Variants in LYPD6 observed in about 807,000 individuals in gnomAD.
LYPD6 encodes LY6/PLAUR domain containing 6.
LYPD6 carries 15 observed loss-of-function variants against 22.7 expected under a neutral mutation model. The observed-to-expected ratio is 0.66, with a 90% confidence interval of 0.44 to 1.02. The LOEUF (loss-of-function observed/expected upper bound fraction) is 1.02, where lower values mean the gene tolerates loss of function less well. Among genes scored for constraint, LYPD6 ranks in the 50% least tolerant of loss-of-function variants. The pLI is 0.00. For missense variants in LYPD6, 189 were observed against 208.4 expected (o/e 0.91, Z 0.57); for synonymous variants, 72 against 77.5 (o/e 0.93, Z 0.37).
chr2:149,392,870 A>C (rs1265371942), intron 1 of LYPD6, among the ~76,000 whole-genome samples: 1 of 152,046 alleles, frequency 6.6e-6, no homozygotes, highest in African/African-American at 2.4e-5. Context: ...CTAAAAATAC[A>C]AAAAAATTTA....
At chr2:149,478,377 G>GGT (rs55853638), downstream of LYPD6, among the ~76,000 whole-genome samples, 1,865 of 99,350 alleles carry the variant, frequency 0.019, 13 homozygotes, top group South Asian at 0.036. Flanking sequence ...GGTATATAGA[G>GGT]GTGTGTGTGT....
At chr2:149,332,340 GA>G (rs1680954709) in intron 1 of LYPD6, among the ~76,000 whole-genome samples, 1 of 152,170 alleles carries the variant, frequency 6.6e-6, no homozygotes, top group Non-Finnish European at 1.5e-5. Context: ...GACCAATTAA[GA>G]CAGACAATTG....
intron 3 of LYPD6, among the ~76,000 whole-genome samples, chr2:149,465,303 G>T (rs923098474): frequency 1.3e-5 from 2 of 152,152 alleles, no homozygotes; most frequent in Admixed American, 1.3e-4. Flanking sequence ...AAAAGGGCAT[G>T]GAATTTGATG....
At chr2:149,477,737 AAAC>A (rs921406320), downstream of LYPD6, among the ~76,000 whole-genome samples, 13 of 152,226 alleles carry the variant, frequency 8.5e-5, no homozygotes, top group Admixed American at 8.5e-4. Flanking sequence ...AGGATCTTGA[AAAC>A]AACCAGAGTA....
intron 1 of LYPD6, among the ~76,000 whole-genome samples, chr2:149,369,052 G>T (rs1681743835): frequency 6.6e-6 from 1 of 152,210 alleles, no homozygotes; most frequent in Non-Finnish European, 1.5e-5. Flanking sequence ...GAATGTGGAG[G>T]AGACCACCAG....
intron 1 of LYPD6, among the ~76,000 whole-genome samples, chr2:149,350,538 G>A (rs1236377521): frequency 6.6e-6 from 1 of 152,024 alleles, no homozygotes; most frequent in South Asian, 2.1e-4. Context: ...GTGGCAAAGG[G>A]GTTTATAAAG....
chr2:149,443,623 T>A (rs752042183), intron 2 of LYPD6, among the ~76,000 whole-genome samples: 12 of 152,226 alleles, frequency 7.9e-5, no homozygotes, highest in Non-Finnish European at 1.5e-4. Flanking sequence ...TATTTTTTAA[T>A]GTATCCAGTC....
At chr2:149,392,682 A>G (rs1682338987) in intron 1 of LYPD6, among the ~76,000 whole-genome samples, 1 of 152,166 alleles carries the variant, frequency 6.6e-6, no homozygotes, top group Non-Finnish European at 1.5e-5. Context: ...CCCCTGGGAA[A>G]GTTTTCTGTC....
chr2:149,397,810 A>T (rs1682458949), intron 1 of LYPD6, among the ~76,000 whole-genome samples: 1 of 152,200 alleles, frequency 6.6e-6, no homozygotes, highest in Non-Finnish European at 1.5e-5. Context: ...GCAAGCTGTT[A>T]TTTTTATCTA....
At chr2:149,435,149 C>T (rs1021264314) in intron 1 of LYPD6, among the ~76,000 whole-genome samples, 12 of 152,170 alleles carry the variant, frequency 7.9e-5, no homozygotes, top group Non-Finnish European at 1.2e-4. Flanking sequence ...AAGCCATCAG[C>T]AAGCCAAGAA....
intron 1 of LYPD6, among the ~76,000 whole-genome samples, chr2:149,408,591 AT>A (rs1682782101): frequency 6.6e-6 from 1 of 151,960 alleles, no homozygotes; most frequent in Admixed American, 6.6e-5. Context: ...TTCTTGGAGG[AT>A]TTTTTCATTT....
At chr2:149,443,209 A>G (rs894218968) in intron 2 of LYPD6, among the ~76,000 whole-genome samples, 6 of 152,220 alleles carry the variant, frequency 3.9e-5, no homozygotes, top group Non-Finnish European at 8.8e-5. Context: ...GAACACTACA[A>G]CTTACTAGTG....
intron 2 of LYPD6, among the ~76,000 whole-genome samples, chr2:149,448,275 G>A (rs1269588521): frequency 2.0e-5 from 3 of 152,108 alleles, no homozygotes; most frequent in African/African-American, 2.4e-5. Flanking sequence ...TCTGGGCAAC[G>A]AGAGTGAAAC....
At chr2:149,344,578 T>C (rs1178644054) in intron 1 of LYPD6, among the ~76,000 whole-genome samples, 1 of 152,206 alleles carries the variant, frequency 6.6e-6, no homozygotes, top group Non-Finnish European at 1.5e-5. Flanking sequence ...GAATACTGAA[T>C]ATATAGAAAA....
chr2:149,356,614 G>C (rs1681454953), intron 1 of LYPD6, among the ~76,000 whole-genome samples: 1 of 152,180 alleles, frequency 6.6e-6, no homozygotes, highest in South Asian at 2.1e-4. Flanking sequence ...ATTTAGAGCA[G>C]ATCTCTTCTG....
chr2:149,399,586 G>T (rs1682506152), intron 1 of LYPD6, among the ~76,000 whole-genome samples: 1 of 151,568 alleles, frequency 6.6e-6, no homozygotes, highest in South Asian at 2.1e-4. Flanking sequence ...GGGATATAGG[G>T]ACCATTGGAG....
chr2:149,332,649 C>T (rs1055818342), intron 1 of LYPD6, among the ~76,000 whole-genome samples: 2 of 152,158 alleles, frequency 1.3e-5, no homozygotes, highest in South Asian at 2.1e-4. Context: ...CTACCTCACC[C>T]GTTCCCTTCC....
intron 1 of LYPD6, among the ~76,000 whole-genome samples, chr2:149,386,024 A>T (rs1164066381): frequency 6.6e-6 from 1 of 152,172 alleles, no homozygotes; most frequent in African/African-American, 2.4e-5. Flanking sequence ...CCTGTAATTA[A>T]CCGTTACAAT....
At chr2:149,390,119 T>C (rs1682276344) in intron 1 of LYPD6, among the ~76,000 whole-genome samples, 1 of 152,252 alleles carries the variant, frequency 6.6e-6, no homozygotes, top group Non-Finnish European at 1.5e-5. Flanking sequence ...TACAGGTAGT[T>C]CATTCGTATT....
Sources: gnomAD v4.1 joint callset for allele counts (sites outside exome capture counted in the v4.1 genomes callset) on GRCh38, gnomAD v4.1.1 for gene constraint, MANE v1.5 for transcripts, NCBI Gene and HGNC (gene_info 2026-07-23, HGNC 2026-07-21) for gene names.